The following NOTCH1 variants were observed in gnomAD, a reference collection of about 807,000 sequenced individuals.
The protein encoded by NOTCH1 is neurogenic locus notch homolog protein 1.
NOTCH1 carries 37 observed loss-of-function variants against 254.8 expected under a neutral mutation model. The observed-to-expected ratio is 0.15, with a 90% CI of 0.11 to 0.19. The LOEUF is 0.19. Among genes scored for constraint, NOTCH1 ranks in the 10% least tolerant of loss-of-function variants. The pLI is 1.00. For synonymous variants in NOTCH1, 1,731 were observed against 1,618.1 expected (o/e 1.07, Z -1.68); for missense variants, 2,972 against 3,708.6 (o/e 0.80, Z 5.16).
At chr9:136,529,166 C>G (rs1415975396) in intron 2 of NOTCH1, among the ~76,000 whole-genome samples, 1 of 152,250 alleles carries the variant, frequency 6.6e-6, no homozygotes, top group East Asian at 1.9e-4. Flanking sequence ...CTGGGCCACA[C>G]AGACAGGCCC....
rs1589072443 is a variant in NOTCH1 at position 136,523,638 on chromosome 9, G to A, written c.403+79C>T. 5.2e-6 allele frequency: 8 copies of A among 1,527,980 alleles called. No homozygotes were observed. In the South Asian group the frequency reaches 6.0e-5, roughly 11 times the overall value. The allele number at this position is 1,527,980 out of a possible 1,614,324, so 94.7% of individuals were successfully genotyped here. On this transcript the variant is annotated intron_variant, in intron 3 of 33. Coordinates refer to ENST00000651671, the MANE Select transcript of NOTCH1 (RefSeq NM_017617.5). ...GGTCAGAGACCCGGGCCTGGATCCC[G>A]CCAAGTACCTCAAGTTGCCTGGGCA...
intron 24 of NOTCH1, 76 bp from the exon 25 acceptor site, chr9:136,505,957 G>A (rs1160882672): frequency 1.5e-5 from 20 of 1,307,716 alleles, no homozygotes; most frequent in African/African-American, 3.0e-5. Context: ...CCCAGCCCTC[G>A]GCCAGCAGTG....
rs2133342730 is a variant in NOTCH1 at position 136,506,610 on chromosome 9, A to T, written c.3931T>A (p.Cys1311Ser). 1 of 1,611,028 alleles carries T rather than the reference A, an allele frequency of 6.2e-7. No homozygotes were observed. Among genetic ancestry groups the T allele is most frequent in the Non-Finnish European group, 8.5e-7 (1 of 1,179,428 alleles). The change falls in exon 24 of 34, where the codon TGC becomes AGC. Residue 1311 changes from cysteine (C) to serine (S), a missense_variant. Cys to Ser is a moderately radical substitution (Grantham distance 112). This residue lies in a region of NOTCH1 where 1,343 missense variants were observed against 1,557.0 expected (regional missense o/e 0.86). Coordinates refer to ENST00000651671, the MANE Select transcript of NOTCH1 (RefSeq NM_017617.5). This position sits in a 1 kb window ranked among gnomAD's most constrained non-coding sequence, Gnocchi z 4.5. ...GRRCESVINGCKGKPCKNGGT... is the reference protein window; with the variant it reads ...GRRCESVINGSKGKPCKNGGT... ...CCATTCTTGCAGGGCTTGCCTTTGC[A>T]GCCATTGATGACGGACTCGCAGCGG...
chr9:136,498,467 G>C (rs1057048292), intron 33 of NOTCH1, among the ~76,000 whole-genome samples: 4 of 152,156 alleles, frequency 2.6e-5, no homozygotes, highest in African/African-American at 7.2e-5. Context: ...CTGCCGCCAC[G>C]CGTGTTCTGG....
intron 27 of NOTCH1, chr9:136,502,739 G>A (rs992407520): frequency 3.5e-6 from 2 of 573,862 alleles, no homozygotes; most frequent in Admixed American, 3.1e-5. Flanking sequence ...TAAGGAAGGA[G>A]GATTAGTCAA....
intron 2 of NOTCH1, chr9:136,542,868 C>T (rs1190348845): frequency 6.6e-6 from 1 of 152,292 alleles, no homozygotes; most frequent in Non-Finnish European, 1.5e-5. Context: ...TCATTATTCT[C>T]ATCAGGGATG....
intron 4 of NOTCH1, among the ~76,000 whole-genome samples, chr9:136,522,120 G>A (rs181835363): frequency 0.022 from 3,286 of 152,106 alleles, 135 homozygotes; most frequent in African/African-American, 0.075. Flanking sequence ...TGGGACTACA[G>A]GCGCGTGCCA....
chr9:136,497,262 G>T lies in NOTCH1; in HGVS notation c.6477C>A (p.Arg2159=), dbSNP rs2133318384. 1.9e-6 allele frequency: 3 copies of T among 1,611,424 alleles called. No homozygotes were observed. The highest frequency in any genetic ancestry group is 2.5e-6 in the Non-Finnish European group (3 of 1,179,890). Residue 2159 remains arginine (R), a synonymous_variant, in exon 34 of 34, where the codon CGC becomes CGA. Transcript: ENST00000651671. ...LKPGVQGKKV[R]KPSSKGLACG... Reference sequence around the variant, plus strand: ...AGGCCAGGCCTTTGCTGCTGGGCTTGCGGACCTTCTTGCCCTGCACGCCGG... The same window carrying T: ...AGGCCAGGCCTTTGCTGCTGGGCTTTCGGACCTTCTTGCCCTGCACGCCGG...
At chr9:136,512,354 C>T (rs1361787761) in intron 15 of NOTCH1, among the ~76,000 whole-genome samples, 3 of 152,296 alleles carry the variant, frequency 2.0e-5, no homozygotes, top group South Asian at 2.1e-4. Context: ...GACCAGGCCC[C>T]GTGGCAGCAC....
Position 136,506,075 on chromosome 9 carries a change from G to A in NOTCH1, c.4015-194C>T, listed in dbSNP as rs1035316129. On this transcript the variant is annotated intron_variant, in intron 24 of 33. Transcript: ENST00000651671. This position sits in a 1 kb window ranked among gnomAD's most constrained non-coding sequence, Gnocchi z 4.5. Reference sequence around the variant, plus strand: ...GAAAGATCGGGGGTGCCAGGGGGTCGGGAGATGGAGGAAGGGGTAAACTGG... The same window carrying A: ...GAAAGATCGGGGGTGCCAGGGGGTCAGGAGATGGAGGAAGGGGTAAACTGG... Among the ~76,000 whole-genome samples the A allele has an allele frequency of 1.1e-4, 16 of 152,162 alleles. No homozygotes were observed. Among genetic ancestry groups the A allele is most frequent in the African/African-American group, 2.7e-4 (11 of 41,426 alleles).
chr9:136,501,158 G>A (rs1375231429), intron 30 of NOTCH1, among the ~76,000 whole-genome samples: 1 of 152,252 alleles, frequency 6.6e-6, no homozygotes, highest in African/African-American at 2.4e-5. Flanking sequence ...GCTTCAGCAG[G>A]ATGCGGAGGC....
intron 8 of NOTCH1, 74 bp downstream of exon 8, chr9:136,517,678 G>T: frequency 1.9e-6 from 3 of 1,569,870 alleles, no homozygotes; most frequent in Non-Finnish European, 2.6e-6. Flanking sequence ...GCAACCCACA[G>T]ATGTTCCCGG....
In NOTCH1 at chr9:136,496,968, C is replaced by CGCCGCCATCTCGGGCTTG; in HGVS notation, c.6753_6770dup (p.Lys2252_Ala2257dup). The CGCCGCCATCTCGGGCTTG allele has an allele frequency of 6.2e-7, 1 of 1,610,728 alleles. No individual in the cohort carries two copies. Among genetic ancestry groups the CGCCGCCATCTCGGGCTTG allele is most frequent in the Non-Finnish European group, 8.5e-7 (1 of 1,179,224 alleles). On this transcript the variant is annotated inframe_insertion, in exon 34 of 34. Coordinates refer to ENST00000651671, the MANE Select transcript of NOTCH1 (RefSeq NM_017617.5). ...AGGCCAGCCGGCCGCCCCCACCCAG[C>CGCCGCCATCTCGGGCTTG]GCCGCCATCTCGGGCTTGGCCGCCA...
At position 136,523,290 on chromosome 9, in the gene NOTCH1, C is replaced by G. The variant is rs917297966; in HGVS notation, c.404-102G>C. On this transcript the variant is annotated intron_variant, in intron 3 of 33. Coordinates refer to ENST00000651671, the MANE Select transcript of NOTCH1 (RefSeq NM_017617.5). The stretch of plus-strand genomic sequence containing the variant: ...CTGGAGGTGCCAGCCTGGGCTCCAC[C>G]TTAGGTGCTATCACATTTGATCCTC... 1.3e-5 allele frequency: 16 copies of G among 1,194,580 alleles called. No individual in the cohort carries two copies. The African/African-American group carries it at 2.1e-4, about 16-fold the overall frequency. The allele number at this position is 1,194,580 out of a possible 1,614,324, so 74.0% of individuals were successfully genotyped here.
At position 136,497,022 on chromosome 9, in the gene NOTCH1, G is replaced by A. The variant is rs372582223; in HGVS notation, c.6717C>T (p.Asp2239=). 6 of 1,609,608 alleles carry A rather than the reference G, an allele frequency of 3.7e-6. No individual in the cohort carries two copies. The highest frequency in any genetic ancestry group is 5.1e-6 in the Non-Finnish European group (6 of 1,178,352). The change falls in exon 34 of 34, where the codon GAC becomes GAT. Residue 2239 remains aspartate, a synonymous_variant. Coordinates refer to ENST00000651671, the MANE Select transcript of NOTCH1 (RefSeq NM_017617.5). ...TCAGGTGCCCGATGCCCAGGTGGGT[G>A]TCGGGCATCCCAGGCAGGTGGTTGA... ...VPLNHLPGMP[D]THLGIGHLNV...
Position 136,496,152 on chromosome 9 carries a change from G to C in NOTCH1, c.7587C>G (p.Val2529=), listed in dbSNP as rs2133314012. ...QWSSSSPHSN[V]SDWSEGVSSP... is the part of the protein sequence containing the mutation. Reference sequence around the variant, plus strand: ...TGGAGACGCCCTCGGACCAGTCGGAGACGTTGGAATGCGGGGACGAGCTGG... The same window carrying C: ...TGGAGACGCCCTCGGACCAGTCGGACACGTTGGAATGCGGGGACGAGCTGG... Residue 2529 remains valine, a synonymous_variant, in exon 34 of 34, where the codon GTC becomes GTG. Transcript: ENST00000651671. 1 of 1,610,292 alleles carries C rather than the reference G, an allele frequency of 6.2e-7. No individual in the cohort carries two copies. The highest frequency in any genetic ancestry group is 8.5e-7 in the Non-Finnish European group (1 of 1,179,520).
chr9:136,528,384 A>G, intron 2 of NOTCH1, among the ~76,000 whole-genome samples: 1 of 126,408 alleles, frequency 7.9e-6, no homozygotes, highest in Non-Finnish European at 1.6e-5. Context: ...AAGGATGGGC[A>G]GGGACAGTGG....
At chr9:136,520,865 C>G (rs79769117) in intron 4 of NOTCH1, among the ~76,000 whole-genome samples, 2,932 of 152,320 alleles carry the variant, frequency 0.019, 50 homozygotes, top group Middle Eastern at 0.061. Flanking sequence ...CTGCAAAGCA[C>G]TGGCTGAGGC....
chr9:136,505,068 G>A lies in NOTCH1; in HGVS notation c.4623C>T (p.Ser1541=), dbSNP rs375652707. Residue 1541 remains serine (S), a synonymous_variant, in exon 26 of 34, where the codon AGC becomes AGT. Coordinates refer to ENST00000651671, the MANE Select transcript of NOTCH1 (RefSeq NM_017617.5). ...TGCAGCCCTGGTCGCAGTGCCCGTCGCTGAAGTGGTCCTTGCAGTACTGGT... is the reference window on the plus strand; with the variant it reads ...TGCAGCCCTGGTCGCAGTGCCCGTCACTGAAGTGGTCCTTGCAGTACTGGT... ...LYDQYCKDHF[S]DGHCDQGCNS... The A allele has an allele frequency of 3.1e-6, 5 of 1,610,922 alleles. No individual in the cohort carries two copies. Among genetic ancestry groups the A allele is most frequent in the East Asian group, 4.5e-5 (2 of 44,864 alleles).
Sources: allele counts gnomAD v4.1 joint callset (sites outside exome capture counted in the v4.1 genomes callset), GRCh38; gene constraint gnomAD v4.1.1; regional missense constraint gnomAD v4.1.1; non-coding constraint Gnocchi (gnomAD v3.1); transcripts MANE v1.5; gene names NCBI Gene and HGNC (gene_info 2026-07-23, HGNC 2026-07-21).